Variants in PRR5L observed in about 807,000 individuals in gnomAD.
PRR5L encodes proline rich 5 like.
Under a neutral mutation model 36.4 loss-of-function variants are expected in PRR5L, and 21 were observed. The ratio of observed to expected loss-of-function variants is 0.58; its 90% confidence interval spans 0.41 to 0.83. The LOEUF (loss-of-function observed/expected upper bound fraction) is 0.83, where lower values mean the gene tolerates loss of function less well. Ranked by LOEUF, PRR5L falls within the 40% of genes least tolerant of loss-of-function variation. The probability of loss-of-function intolerance (pLI) is 0.00; values close to 1 mark genes in which losing one functional copy is unlikely to be tolerated. For missense variants in PRR5L, 381 were observed against 473.3 expected (o/e 0.80, Z 1.81); for synonymous variants, 188 against 197.0 (o/e 0.95, Z 0.38).
intron 1 of PRR5L, among the ~76,000 whole-genome samples, chr11:36,335,284 C>T (rs1000595409): frequency 6.6e-6 from 1 of 152,228 alleles, no homozygotes; most frequent in South Asian, 2.1e-4. Context: ...AGGCTGGTCT[C>T]GAGCTCTTGG....
chr11:36,434,180 AC>A (rs1208638836), intron 5 of PRR5L, among the ~76,000 whole-genome samples: 3 of 152,174 alleles, frequency 2.0e-5, no homozygotes, highest in Non-Finnish European at 4.4e-5. Flanking sequence ...GCCTGAGAGC[AC>A]CAGGCCTGGC....
intron 1 of PRR5L, among the ~76,000 whole-genome samples, chr11:36,371,848 C>G (rs749321926): frequency 1.3e-5 from 2 of 152,060 alleles, no homozygotes; most frequent in Non-Finnish European, 2.9e-5. Context: ...CACCCGAGGT[C>G]AACGGTTGGA....
chr11:36,418,900 T>C (rs1021798142), intron 3 of PRR5L, among the ~76,000 whole-genome samples: 1 of 152,218 alleles, frequency 6.6e-6, no homozygotes, highest in Non-Finnish European at 1.5e-5. Flanking sequence ...TATAAAGTGC[T>C]CTGCAAATGT....
rs552929538 is a variant in PRR5L, at chr11:36,311,462, A to G, written c.-126+15024A>G. On this transcript the variant is annotated intron_variant, in intron 1 of 8. Coordinates refer to ENST00000530639, the MANE Select transcript of PRR5L (RefSeq NM_001160167.2). Reference sequence around the variant, plus strand: ...CTGCTTGGCCCCCTCATGGGTTGGTAGGCTATGCTGGGTTGAATTTTATAT... The same window carrying G: ...CTGCTTGGCCCCCTCATGGGTTGGTGGGCTATGCTGGGTTGAATTTTATAT... Among the ~76,000 whole-genome samples the G allele has an allele frequency of 3.9e-5, 6 of 152,334 alleles. No homozygotes were observed. In the East Asian group the frequency reaches 1.2e-3, roughly 29 times the overall value.
chr11:36,317,917 G>A (rs1422768336), intron 1 of PRR5L, among the ~76,000 whole-genome samples: 1 of 152,152 alleles, frequency 6.6e-6, no homozygotes, highest in Non-Finnish European at 1.5e-5. Context: ...GAATTTAGCT[G>A]CTATGGACAT....
intron 1 of PRR5L, among the ~76,000 whole-genome samples, chr11:36,304,987 C>CA (rs544113560): frequency 5.9e-4 from 90 of 152,288 alleles, no homozygotes; most frequent in African/African-American, 2.1e-3. Flanking sequence ...AAGGTTAACA[C>CA]AGAGTTACAA....
chr11:36,451,188 T>C (rs758415582), intron 7 of PRR5L, 21 bp from the exon 8 acceptor site: 14 of 1,613,582 alleles, frequency 8.7e-6, no homozygotes, highest in African/African-American at 2.7e-5. Context: ...CCTTTGTGTA[T>C]CTTGGCTGTT....
At chr11:36,310,746 C>T (rs563011121) in intron 1 of PRR5L, among the ~76,000 whole-genome samples, 17 of 152,170 alleles carry the variant, frequency 1.1e-4, no homozygotes, top group East Asian at 5.8e-4. Flanking sequence ...CGCCTGTAAT[C>T]GCAGCACTTT....
At chr11:36,436,807 G>A (rs1036728700) in intron 5 of PRR5L, among the ~76,000 whole-genome samples, 106 of 152,174 alleles carry the variant, frequency 7.0e-4, no homozygotes, top group Non-Finnish European at 2.4e-4. Flanking sequence ...CCTGTAAAGC[G>A]GGGGTATTAG....
chr11:36,446,170 CA>C (rs1428562164), intron 6 of PRR5L, 129 bp from the exon 7 acceptor site: 5 of 978,150 alleles, frequency 5.1e-6, no homozygotes, highest in Non-Finnish European at 7.4e-6. Flanking sequence ...TTGAAAGACA[CA>C]CTGGCCCTTG....
chr11:36,431,425 T>C (rs1010042880), intron 4 of PRR5L, among the ~76,000 whole-genome samples: 2 of 152,066 alleles, frequency 1.3e-5, no homozygotes, highest in African/African-American at 4.8e-5. Context: ...GCAGTCTCTT[T>C]CATGCTAGTG....
At chr11:36,405,429 G>T (rs1027417753) in intron 3 of PRR5L, among the ~76,000 whole-genome samples, 2 of 152,194 alleles carry the variant, frequency 1.3e-5, no homozygotes, top group Non-Finnish European at 2.9e-5. Context: ...CCAAGAAGCT[G>T]CCCTTTTATA....
rs74795867 is a variant in PRR5L at position 36,440,767 on chromosome 11, A to G, written c.444+3291A>G. Reference sequence around the variant, plus strand: ...CTGAACAAGAAGTGTAGTTGCCAGCATCTGCCCCAGGTGAGGCCACAGCAA... The same window carrying G: ...CTGAACAAGAAGTGTAGTTGCCAGCGTCTGCCCCAGGTGAGGCCACAGCAA... On this transcript the variant is annotated intron_variant, in intron 6 of 8. Transcript: ENST00000530639. Among the ~76,000 whole-genome samples the G allele has an allele frequency of 5.9e-3, 905 of 152,304 alleles. 20 individuals carry two copies. The highest frequency in any genetic ancestry group is 0.049 in the East Asian group (254 of 5,176).
Position 36,376,776 on chromosome 11 carries a change from G to A in PRR5L, c.-125-24221G>A, listed in dbSNP as rs1045799815. The A allele has an allele frequency of 3.2e-6, 3 of 946,854 alleles. No individual in the cohort carries two copies. The African/African-American group carries it at 5.3e-5, about 17-fold the overall frequency. The allele number at this position is 946,854 out of a possible 1,614,324, so 58.7% of individuals were successfully genotyped here. A position where few individuals can be genotyped will look rare whatever the true frequency, so the allele number is the denominator to read the frequency against. The stretch of plus-strand genomic sequence containing the variant: ...GCTCAGCAACCGCGCAGGATTGAGC[G>A]AAAATTACCGCGCGCTAATCTGACG... On this transcript the variant is annotated intron_variant, in intron 1 of 8. Coordinates refer to ENST00000530639, the MANE Select transcript of PRR5L (RefSeq NM_001160167.2).
intron 1 of PRR5L, among the ~76,000 whole-genome samples, chr11:36,361,686 G>A (rs948332486): frequency 1.3e-5 from 2 of 152,090 alleles, no homozygotes; most frequent in Non-Finnish European, 2.9e-5. Context: ...AATGTCTACT[G>A]AAAAAAATGA....
At chr11:36,387,435 G>A (rs1857478629) in intron 1 of PRR5L, among the ~76,000 whole-genome samples, 1 of 152,210 alleles carries the variant, frequency 6.6e-6, no homozygotes, top group Non-Finnish European at 1.5e-5. Flanking sequence ...AATCGGTGAT[G>A]GGCTGACAGT....
intron 1 of PRR5L, among the ~76,000 whole-genome samples, chr11:36,372,682 C>A (rs939191727): frequency 6.6e-6 from 1 of 152,174 alleles, no homozygotes. Flanking sequence ...ACTGCACGTT[C>A]TCCCTAAAAG....
intron 1 of PRR5L, among the ~76,000 whole-genome samples, chr11:36,366,581 T>C (rs1857146114): frequency 6.6e-6 from 1 of 152,232 alleles, no homozygotes; most frequent in Non-Finnish European, 1.5e-5. Flanking sequence ...ATAAATGTGA[T>C]TTTAGGTAGA....
intron 1 of PRR5L, among the ~76,000 whole-genome samples, chr11:36,355,548 C>CT (rs1041820581): frequency 0.023 from 2,961 of 127,014 alleles, 101 homozygotes; most frequent in African/African-American, 0.06. Flanking sequence ...CTTTGCTTTG[C>CT]TTTTTTTTTT....
Sources: allele counts gnomAD v4.1 joint callset (sites outside exome capture counted in the v4.1 genomes callset), GRCh38; gene constraint gnomAD v4.1.1; transcripts MANE v1.5; gene names NCBI Gene and HGNC (gene_info 2026-07-23, HGNC 2026-07-21).